CD84: variants seen among roughly 807,000 people sequenced by gnomAD.
The protein encoded by CD84 is CD84 molecule.
Under a neutral mutation model 33.8 loss-of-function variants are expected in CD84, and 22 were observed. The ratio of observed to expected loss-of-function variants is 0.65; its 90% CI spans 0.46 to 0.93. The LOEUF is 0.93. Among genes scored for constraint, CD84 ranks in the 40% least tolerant of loss-of-function variants. The probability of loss-of-function intolerance (pLI) is 0.00; values close to 1 mark genes in which losing one functional copy is unlikely to be tolerated. For synonymous variants in CD84, 154 were observed against 145.2 expected, an observed-to-expected ratio of 1.06 and a Z score of -0.44; for missense variants, 400 against 397.6, an observed-to-expected ratio of 1.01 and a Z score of -0.05.
rs1211803086 is a variant in CD84 at position 160,546,547 on chromosome 1, C to G, written c.*1709G>C. The G allele has an allele frequency of 6.6e-6, 1 of 152,258 alleles. No individual in the cohort carries two copies. Among genetic ancestry groups the G allele is most frequent in the African/African-American group, 2.4e-5 (1 of 41,406 alleles). 9.4% of individuals were successfully genotyped at this position (152,258 alleles called of 1,614,324 possible). ...CACACATCTGGCTGGGACACTCTGC[C>G]ACACATAGGCAAGGGACTGTGAGCA... On this transcript the variant is annotated 3_prime_UTR_variant, in exon 7 of 7. Transcript: ENST00000368054.
At chr1:160,556,021 T>C (rs1656586536) in intron 2 of CD84, among the ~76,000 whole-genome samples, 1 of 152,134 alleles carries the variant, frequency 6.6e-6, no homozygotes, top group Admixed American at 6.5e-5. Flanking sequence ...ACGATATCAA[T>C]TAGTAGAAAG....
chr1:160,553,371 A>C lies in CD84; in HGVS notation c.760+7T>G. 4.3e-6 allele frequency: 7 copies of C among 1,614,106 alleles called. No homozygotes were observed. Among genetic ancestry groups the C allele is most frequent in the Non-Finnish European group, 5.9e-6 (7 of 1,180,014 alleles). ...TTTCCACATTTTACCTTCTGGGAAAATCCTACCTTGTCTTCTCTTGAACAA... is the reference window on the plus strand; with the variant it reads ...TTTCCACATTTTACCTTCTGGGAAACTCCTACCTTGTCTTCTCTTGAACAA... On this transcript the variant is annotated splice_region_variant and intron_variant, in intron 4 of 6. Transcript: ENST00000368054.
chr1:160,561,031 A>G (rs1211861985), intron 2 of CD84, among the ~76,000 whole-genome samples: 1 of 152,040 alleles, frequency 6.6e-6, no homozygotes, highest in Non-Finnish European at 1.5e-5. Flanking sequence ...ACAAAACAAA[A>G]CAAAACAAAA....
rs1381837540 is a variant in CD84, at chr1:160,545,153, G to A, written c.*3103C>T. On this transcript the variant is annotated 3_prime_UTR_variant, in exon 7 of 7. Coordinates refer to ENST00000368054, the MANE Select transcript of CD84 (RefSeq NM_003874.4). ...AGGAGAGACAAGAGTAGGGTGTCCT[G>A]AGTCCAAAGGCTACCTTCAGAATTC... The A allele has an allele frequency of 6.6e-6, 1 of 152,200 alleles. No individual in the cohort carries two copies. Among genetic ancestry groups the A allele is most frequent in the Admixed American group, 6.5e-5 (1 of 15,284 alleles). 9.4% of individuals were successfully genotyped at this position (152,200 alleles called of 1,614,324 possible).
chr1:160,551,600 T>G (rs1656228248), intron 4 of CD84, among the ~76,000 whole-genome samples: 1 of 152,204 alleles, frequency 6.6e-6, no homozygotes, highest in African/African-American at 2.4e-5. Flanking sequence ...AGTGCAGTGG[T>G]GCACCAACTC....
intron 1 of CD84, among the ~76,000 whole-genome samples, chr1:160,573,613 C>A (rs1657822565): frequency 6.6e-6 from 1 of 152,160 alleles, no homozygotes; most frequent in Non-Finnish European, 1.5e-5. Context: ...CCAACATCAT[C>A]TCATTAGAAA....
intron 2 of CD84, among the ~76,000 whole-genome samples, chr1:160,560,897 G>T (rs928944396): frequency 2.6e-5 from 4 of 152,062 alleles, no homozygotes; most frequent in African/African-American, 9.7e-5. Context: ...AAATATAGAA[G>T]AAATGGATAA....
At chr1:160,563,635 G>A (rs1240588095) in intron 2 of CD84, among the ~76,000 whole-genome samples, 1 of 152,026 alleles carries the variant, frequency 6.6e-6, no homozygotes, top group East Asian at 1.9e-4. Context: ...GCTAATGGAT[G>A]TTGGTCTTAA....
intron 1 of CD84, among the ~76,000 whole-genome samples, chr1:160,577,743 G>A (rs1025030343): frequency 6.6e-6 from 1 of 152,112 alleles, no homozygotes; most frequent in South Asian, 2.1e-4. Flanking sequence ...CAGGTACCAT[G>A]GCAAGTGTTG....
rs138537612 is a variant in CD84, at chr1:160,549,333, A to T, written c.921+584T>A. ...AGCTGTCCTGATTGTAGCAGCAGTG[A>T]GGACCTTCAGATAGTGACAATCCCT... is the stretch of plus-strand genomic sequence containing the variant. On this transcript the variant is annotated intron_variant, in intron 6 of 6. Transcript: ENST00000368054. Among the ~76,000 whole-genome samples the T allele has an allele frequency of 1.6e-3, 251 of 152,322 alleles. 2 individuals are homozygous for T. The highest frequency in any genetic ancestry group is 5.8e-3 in the African/African-American group (242 of 41,574).
At chr1:160,574,685 C>A (rs1325399325) in intron 1 of CD84, among the ~76,000 whole-genome samples, 1 of 152,130 alleles carries the variant, frequency 6.6e-6, no homozygotes. Context: ...GGGCTAGAAT[C>A]CTGGCTCTGT....
rs2102130428 is a variant in CD84 at position 160,551,134 on chromosome 1, C to T, written c.761-99G>A. ...TCTTTTTAAGATGAAGAAAGGAAGC[C>T]CCCAGGGATTAAATGGCTGCCATCC... On this transcript the variant is annotated intron_variant, in intron 4 of 6. Coordinates refer to ENST00000368054, the MANE Select transcript of CD84 (RefSeq NM_003874.4). The T allele has an allele frequency of 1.5e-5, 13 of 892,438 alleles. No homozygotes were observed. In the South Asian group the frequency reaches 1.8e-4, roughly 12 times the overall value. The allele number at this position is 892,438 out of a possible 1,614,324, so 55.3% of individuals were successfully genotyped here. A position where few individuals can be genotyped will look rare whatever the true frequency, so the allele number is the denominator to read the frequency against.
chr1:160,569,616 G>C (rs1369101137), intron 1 of CD84, among the ~76,000 whole-genome samples: 1 of 151,980 alleles, frequency 6.6e-6, no homozygotes, highest in Non-Finnish European at 1.5e-5. Context: ...CAAGTGAATG[G>C]TAGAAACAGT....
chr1:160,566,493 AT>A (rs1476780416), intron 1 of CD84, among the ~76,000 whole-genome samples: 1 of 152,170 alleles, frequency 6.6e-6, no homozygotes, highest in African/African-American at 2.4e-5. Flanking sequence ...TTTATTCAGG[AT>A]CAGTTTTGCT....
intron 1 of CD84, among the ~76,000 whole-genome samples, chr1:160,573,164 T>C (rs1208287339): frequency 6.6e-6 from 1 of 151,830 alleles, no homozygotes; most frequent in Admixed American, 6.6e-5. Context: ...AAAAAACAAA[T>C]AGAAAAGAAT....
At chr1:160,563,423 G>T (rs911514685) in intron 2 of CD84, among the ~76,000 whole-genome samples, 1 of 152,094 alleles carries the variant, frequency 6.6e-6, no homozygotes, top group Non-Finnish European at 1.5e-5. Context: ...GCCATAAAAA[G>T]GAACAAGATC....
At chr1:160,559,298 C>T (rs1251582548) in intron 2 of CD84, among the ~76,000 whole-genome samples, 1 of 152,184 alleles carries the variant, frequency 6.6e-6, no homozygotes, top group East Asian at 1.9e-4. Flanking sequence ...AGAAACTCTA[C>T]AAGCCAGAAG....
At position 160,545,057 on chromosome 1, in the gene CD84, C is replaced by T. The variant is rs1306546612; in HGVS notation, c.*3199G>A. ...ATTTTACAGAAGGAAAATCTAAGAA[C>T]TAAGACCTAGAGAGAAGGGTGAACA... On this transcript the variant is annotated 3_prime_UTR_variant, in exon 7 of 7. Coordinates refer to ENST00000368054, the MANE Select transcript of CD84 (RefSeq NM_003874.4). 1 of 152,150 alleles carries T rather than the reference C, an allele frequency of 6.6e-6. No homozygotes were observed. Among genetic ancestry groups the T allele is most frequent in the Admixed American group, 6.5e-5 (1 of 15,280 alleles). The allele number at this position is 152,150 out of a possible 1,614,324, so 9.4% of individuals were successfully genotyped here.
intron 1 of CD84, among the ~76,000 whole-genome samples, chr1:160,577,172 T>C (rs1414067699): frequency 1.3e-5 from 2 of 152,172 alleles, no homozygotes; most frequent in African/African-American, 4.8e-5. Context: ...GTTTGCACAC[T>C]CAGACTTTCC....
Sources: allele counts gnomAD v4.1 joint callset (sites outside exome capture counted in the v4.1 genomes callset), GRCh38; gene constraint gnomAD v4.1.1; transcripts MANE v1.5; gene names NCBI Gene and HGNC (gene_info 2026-07-23, HGNC 2026-07-21).